MFN2: variants seen among roughly 807,000 people sequenced by gnomAD.
MFN2 encodes mitofusin-2.
A neutral mutation model predicts 87.5 loss-of-function variants in MFN2; 43 were observed. The observed-to-expected ratio is 0.49, with a 90% confidence interval of 0.38 to 0.63. MFN2 has a LOEUF of 0.63. MFN2 is among the 30% of genes least tolerant of loss of function. The pLI is 0.00. For missense variants in MFN2, 743 were observed against 972.8 expected (o/e 0.76, Z 3.14); for synonymous variants, 337 against 359.9 (o/e 0.94, Z 0.72).
At chr1:12,007,355 T>A in intron 17 of MFN2, 106 bp downstream of exon 17, 1 of 1,372,802 alleles carries the variant, frequency 7.3e-7, no homozygotes, top group Non-Finnish European at 1.0e-6. Flanking sequence ...CACTGGGTCC[T>A]AAGCATCGTA....
intron 5 of MFN2, among the ~76,000 whole-genome samples, chr1:11,996,608 C>T (rs1434083829): frequency 6.6e-6 from 1 of 152,182 alleles, no homozygotes; most frequent in Non-Finnish European, 1.5e-5. Context: ...GTGCTGTGTT[C>T]TTCCTTGGGA....
chr1:12,000,721 A>G (rs1040207108), intron 8 of MFN2, among the ~76,000 whole-genome samples: 4 of 152,166 alleles, frequency 2.6e-5, no homozygotes, highest in African/African-American at 9.7e-5. Flanking sequence ...CCTTTTATAA[A>G]CAATGCCCCA....
At chr1:12,000,851 C>T (rs1639139888) in intron 8 of MFN2, among the ~76,000 whole-genome samples, 1 of 152,092 alleles carries the variant, frequency 6.6e-6, no homozygotes, top group African/African-American at 2.4e-5. Context: ...CAGTCTAGGG[C>T]ACGTTTAAGC....
chr1:11,983,950 G>A (rs1638275624), intron 2 of MFN2, among the ~76,000 whole-genome samples: 1 of 152,160 alleles, frequency 6.6e-6, no homozygotes, highest in South Asian at 2.1e-4. Flanking sequence ...GATAAATCAG[G>A]CAGAGTTTGG....
At chr1:12,009,195 A>G (rs113322480) in intron 17 of MFN2, among the ~76,000 whole-genome samples, 11 of 151,962 alleles carry the variant, frequency 7.2e-5, no homozygotes, top group African/African-American at 2.7e-4. Flanking sequence ...CCGTGGAAAG[A>G]GAGGGAGAGG....
chr1:12,012,807 C>T lies in MFN2; in HGVS notation c.*1242C>T. The T allele has an allele frequency of 6.5e-6, 1 of 152,958 alleles. No individual in the cohort carries two copies. The highest frequency in any genetic ancestry group is 1.5e-5 in the Non-Finnish European group (1 of 68,542). The allele number at this position is 152,958 out of a possible 1,614,324, so 9.5% of individuals were successfully genotyped here. A position where few individuals can be genotyped will look rare whatever the true frequency, so the allele number is the denominator to read the frequency against. On this transcript the variant is annotated 3_prime_UTR_variant, in exon 19 of 19. Coordinates refer to ENST00000235329, the MANE Select transcript of MFN2 (RefSeq NM_014874.4). ...CAGATGCCTGTCACCAAGGTGTTGA[C>T]TGTGTGAGAAAAGCAGTTTGGGTGA...
chr1:11,998,251 A>G (rs1410275024), intron 6 of MFN2, among the ~76,000 whole-genome samples: 1 of 152,052 alleles, frequency 6.6e-6, no homozygotes, highest in Non-Finnish European at 1.5e-5. Context: ...ATATGTGTTT[A>G]AAAACACTCA....
intron 4 of MFN2, among the ~76,000 whole-genome samples, chr1:11,994,820 A>G (rs1459408014): frequency 6.6e-6 from 1 of 152,164 alleles, no homozygotes; most frequent in African/African-American, 2.4e-5. Context: ...GGTGCAGGTA[A>G]GGTCATTGTA....
At chr1:12,011,469 G>C (rs1639693532) in intron 18 of MFN2, 27 bp from the exon 19 acceptor site, 1 of 1,613,584 alleles carries the variant, frequency 6.2e-7, no homozygotes. Context: ...CAGCTATCAT[G>C]GTTACAAAAG....
At chr1:12,006,933 CAG>C in intron 16 of MFN2, 118 bp from the exon 17 acceptor site, 2 of 1,371,974 alleles carry the variant, frequency 1.5e-6, no homozygotes, top group Non-Finnish European at 2.1e-6. Context: ...AAGAGGAACT[CAG>C]AGTAGAAACA....
intron 14 of MFN2, among the ~76,000 whole-genome samples, chr1:12,005,184 C>T (rs867301120): frequency 2.0e-5 from 3 of 152,222 alleles, no homozygotes; most frequent in South Asian, 2.1e-4. Flanking sequence ...GAGGTTCAAG[C>T]GATTCTTCTG....
At position 12,011,826 on chromosome 1, in the gene MFN2, G is replaced by A. The variant is rs1044347963; in HGVS notation, c.*261G>A. 10 of 560,152 alleles carry A rather than the reference G, an allele frequency of 1.8e-5. No homozygotes were observed. Among genetic ancestry groups the A allele is most frequent in the East Asian group, 3.0e-5 (1 of 33,506 alleles). 34.7% of individuals were successfully genotyped at this position (560,152 alleles called of 1,614,324 possible). ...GGACAGCATGGTACCAAGGAGTTAA[G>A]TTGAGGCTTTTTCCAGCTTTCTCTG... On this transcript the variant is annotated 3_prime_UTR_variant, in exon 19 of 19. Coordinates refer to ENST00000235329, the MANE Select transcript of MFN2 (RefSeq NM_014874.4).
intron 4 of MFN2, among the ~76,000 whole-genome samples, 154 bp downstream of exon 4, chr1:11,992,844 G>A (rs1317447300): frequency 2.6e-5 from 4 of 151,866 alleles, no homozygotes; most frequent in Non-Finnish European, 5.9e-5. Context: ...TGATTTTTGA[G>A]ACAGGGTTCT....
At chr1:11,984,155 G>T in intron 2 of MFN2, among the ~76,000 whole-genome samples, 1 of 152,150 alleles carries the variant, frequency 6.6e-6, no homozygotes, top group East Asian at 1.9e-4. Context: ...TATATCTCCT[G>T]GGCTTGCAAA....
intron 10 of MFN2, 32 bp from the exon 11 acceptor site, chr1:12,001,950 C>G: frequency 6.2e-7 from 1 of 1,614,136 alleles, no homozygotes; most frequent in Non-Finnish European, 8.5e-7. Context: ...CCTGGTGGCC[C>G]CCACCTCCCT....
intron 3 of MFN2, 136 bp from the exon 4 acceptor site, chr1:11,992,419 G>A: frequency 1.8e-6 from 2 of 1,097,120 alleles, no homozygotes; most frequent in South Asian, 1.3e-5. Flanking sequence ...AGGATCTGGA[G>A]CTCAGCCTGT....
chr1:11,980,605 G>T, intron 1 of MFN2, 121 bp downstream of exon 1: 1 of 396,624 alleles, frequency 2.5e-6, no homozygotes, highest in Non-Finnish European at 4.4e-6. Flanking sequence ...GCAGTCAAGC[G>T]GGGTCCCCAC....
At chr1:11,996,452 TG>T in intron 5 of MFN2, 134 bp downstream of exon 5, 1 of 1,065,020 alleles carries the variant, frequency 9.4e-7, no homozygotes, top group Non-Finnish European at 1.4e-6. Context: ...CTATTTTAGA[TG>T]AACTTTTTGA....
intron 8 of MFN2, among the ~76,000 whole-genome samples, chr1:11,999,620 A>G (rs1167365247): frequency 6.6e-6 from 1 of 151,822 alleles, no homozygotes; most frequent in African/African-American, 2.4e-5. Context: ...AGCCTCCCAA[A>G]GTGCTGGGAT....
Sources: allele counts gnomAD v4.1 joint callset (sites outside exome capture counted in the v4.1 genomes callset), GRCh38; gene constraint gnomAD v4.1.1; transcripts MANE v1.5; gene names NCBI Gene and HGNC (gene_info 2026-07-23, HGNC 2026-07-21).